Variants in RNF115 observed in about 807,000 individuals in gnomAD.
The protein encoded by RNF115 is E3 ubiquitin-protein ligase RNF115.
A neutral mutation model predicts 39.2 loss-of-function variants in RNF115; 31 were observed. That is an observed-to-expected ratio of 0.79 (90% CI 0.59 to 1.07). The LOEUF is 1.07. Among genes scored for constraint, RNF115 ranks in the 50% least tolerant of loss-of-function variants. The pLI is 0.00. For missense variants in RNF115, 384 were observed against 381.7 expected (o/e 1.01, Z -0.05); for synonymous variants, 124 against 131.0 (o/e 0.95, Z 0.37).
intron 4 of RNF115, among the ~76,000 whole-genome samples, chr1:145,764,124 C>T (rs1198748189): frequency 1.3e-5 from 2 of 152,194 alleles, no homozygotes; most frequent in Non-Finnish European, 2.9e-5. Flanking sequence ...CTGTGTTGGC[C>T]GGGCTGGTCT....
chr1:145,758,062 A>G (rs1298921480), intron 4 of RNF115, among the ~76,000 whole-genome samples: 3 of 152,240 alleles, frequency 2.0e-5, no homozygotes, highest in Non-Finnish European at 4.4e-5. Flanking sequence ...TTTAAAATAC[A>G]TCCATAAATT....
intron 1 of RNF115, among the ~76,000 whole-genome samples, chr1:145,807,298 C>A (rs142613777): frequency 5.3e-5 from 8 of 152,276 alleles, no homozygotes; most frequent in African/African-American, 1.9e-4. Flanking sequence ...ACTAGTGTTA[C>A]AGGACGAGAT....
chr1:145,754,222 G>T (rs1658210230), intron 4 of RNF115, among the ~76,000 whole-genome samples: 1 of 152,028 alleles, frequency 6.6e-6, no homozygotes. Flanking sequence ...AACATATTTT[G>T]AAATATGTAT....
In RNF115 at chr1:145,744,609, C is replaced by G. The variant is rs1393352741; in HGVS notation, c.*2257G>C. ...TACAGAGAAACGTTATCTCTAGCCC[C>G]CTTCCGTCACCCACAAATCAGCGTA... On this transcript the variant is annotated 3_prime_UTR_variant, in exon 9 of 9. Transcript: ENST00000582693. 2 of 152,214 alleles carry G rather than the reference C, an allele frequency of 1.3e-5. No homozygotes were observed. The highest frequency in any genetic ancestry group is 2.4e-5 in the African/African-American group (1 of 41,416). 9.4% of individuals were successfully genotyped at this position (152,214 alleles called of 1,614,324 possible).
At position 145,823,939 on chromosome 1, in the gene RNF115, C is replaced by A. The variant is rs967234718; in HGVS notation, c.-66G>T. 3 of 1,185,492 alleles carry A rather than the reference C, an allele frequency of 2.5e-6. No individual in the cohort carries two copies. Among genetic ancestry groups the A allele is most frequent in the Non-Finnish European group, 3.3e-6 (3 of 896,544 alleles). 73.4% of individuals were successfully genotyped at this position (1,185,492 alleles called of 1,614,324 possible). ...CGTCCCTCGCCAGGCCGCTACCTCC[C>A]GAGCTGCAGTCGTCGCCGCCGCCGC... is the stretch of plus-strand genomic sequence containing the variant. On this transcript the variant is annotated 5_prime_UTR_variant, in exon 1 of 9. Transcript: ENST00000582693.
intron 4 of RNF115, among the ~76,000 whole-genome samples, chr1:145,761,481 G>C (rs1658502084): frequency 6.6e-6 from 1 of 152,244 alleles, no homozygotes; most frequent in Non-Finnish European, 1.5e-5. Context: ...GGCCAACATA[G>C]AGCTTGGGTT....
At chr1:145,758,032 A>G (rs1658365603) in intron 4 of RNF115, among the ~76,000 whole-genome samples, 1 of 152,200 alleles carries the variant, frequency 6.6e-6, no homozygotes, top group South Asian at 2.1e-4. Context: ...ATTTGTGGCT[A>G]GAGGGCAAAC....
chr1:145,770,055 C>T (rs1318774283), intron 4 of RNF115, among the ~76,000 whole-genome samples: 1 of 152,136 alleles, frequency 6.6e-6, no homozygotes, highest in African/African-American at 2.4e-5. Context: ...CTTGACAAAG[C>T]AGCTTGAATA....
intron 2 of RNF115, among the ~76,000 whole-genome samples, chr1:145,785,506 G>A (rs1355311878): frequency 6.6e-6 from 1 of 152,096 alleles, no homozygotes; most frequent in Admixed American, 6.6e-5. Context: ...CATGAAATTT[G>A]CAAAGAACAA....
rs1192545904 is a variant in RNF115, at chr1:145,740,831, G to A, written c.*6035C>T. 6.6e-6 allele frequency: 1 copy of A among 152,134 alleles called. No individual in the cohort carries two copies. The highest frequency in any genetic ancestry group is 1.5e-5 in the Non-Finnish European group (1 of 68,014). 9.4% of individuals were successfully genotyped at this position (152,134 alleles called of 1,614,324 possible). A position where few individuals can be genotyped will look rare whatever the true frequency, so the allele number is the denominator to read the frequency against. ...ATATGGCTATCAAGTTGTTGGAAGG[G>A]AATCTAATAATTTGGGGGTTTTTGT... On this transcript the variant is annotated 3_prime_UTR_variant, in exon 9 of 9. Coordinates refer to ENST00000582693, the MANE Select transcript of RNF115 (RefSeq NM_014455.4).
chr1:145,799,686 A>G (rs1304303372), intron 1 of RNF115, among the ~76,000 whole-genome samples: 1 of 152,088 alleles, frequency 6.6e-6, no homozygotes, highest in Non-Finnish European at 1.5e-5. Flanking sequence ...TGCTCACTGC[A>G]GACTCAACCA....
intron 3 of RNF115, among the ~76,000 whole-genome samples, chr1:145,774,266 A>G (rs1419515595): frequency 6.7e-6 from 1 of 149,180 alleles, no homozygotes; most frequent in African/African-American, 2.5e-5. Context: ...TGTAATATTT[A>G]CCAGCCATTC....
intron 4 of RNF115, among the ~76,000 whole-genome samples, chr1:145,767,425 CAG>C (rs1553715147): frequency 6.6e-6 from 1 of 151,594 alleles, no homozygotes; most frequent in Non-Finnish European, 1.5e-5. Context: ...GGCGGCCGGG[CAG>C]AGACGCTCCT....
intron 4 of RNF115, among the ~76,000 whole-genome samples, chr1:145,767,019 G>A (rs1348548204): frequency 2.8e-5 from 4 of 140,796 alleles, no homozygotes; most frequent in Non-Finnish European, 3.1e-5. Flanking sequence ...AGGGGTGGCC[G>A]GGCAGAGGCG....
chr1:145,750,865 G>A (rs915777478), intron 6 of RNF115, among the ~76,000 whole-genome samples: 2 of 152,182 alleles, frequency 1.3e-5, no homozygotes, highest in African/African-American at 2.4e-5. Context: ...AGAAAAAAGC[G>A]AGAGTATGAA....
intron 1 of RNF115, among the ~76,000 whole-genome samples, chr1:145,809,263 T>G (rs1553722128): frequency 2.7e-5 from 4 of 150,564 alleles, no homozygotes; most frequent in African/African-American, 9.8e-5. Flanking sequence ...TTCAGCTCAC[T>G]GCAACCTCCA....
At chr1:145,761,266 C>T (rs1658491690) in intron 4 of RNF115, among the ~76,000 whole-genome samples, 1 of 152,218 alleles carries the variant, frequency 6.6e-6, no homozygotes, top group African/African-American at 2.4e-5. Context: ...GCATAAGTAG[C>T]AAGGAGCCTA....
intron 1 of RNF115, among the ~76,000 whole-genome samples, chr1:145,805,156 T>C (rs1361124414): frequency 6.6e-6 from 1 of 152,156 alleles, no homozygotes; most frequent in African/African-American, 2.4e-5. Context: ...GAAATAAAAG[T>C]AATACTTGGA....
chr1:145,762,306 T>C (rs1553713958), intron 4 of RNF115, among the ~76,000 whole-genome samples: 1 of 152,168 alleles, frequency 6.6e-6, no homozygotes, highest in African/African-American at 2.4e-5. Context: ...CAGAATGACA[T>C]GGTTTGGCTG....
Sources: gnomAD v4.1 joint callset for allele counts (sites outside exome capture counted in the v4.1 genomes callset) on GRCh38, gnomAD v4.1.1 for gene constraint, MANE v1.5 for transcripts, NCBI Gene and HGNC (gene_info 2026-07-23, HGNC 2026-07-21) for gene names.